LRRC4C: variants seen among roughly 807,000 people sequenced by gnomAD.
LRRC4C encodes the protein leucine-rich repeat-containing protein 4C.
In LRRC4C, 5 loss-of-function variants were observed where a neutral mutation model predicts 33.6. The ratio of observed to expected loss-of-function variants is 0.15; its 90% CI spans 0.08 to 0.31. LRRC4C has a LOEUF of 0.31. Ranked by LOEUF, LRRC4C falls within the 10% of genes least tolerant of loss-of-function variation. LRRC4C has a pLI of 1.00. For synonymous variants in LRRC4C, 329 were observed against 302.0 expected, an observed-to-expected ratio of 1.09 and a Z score of -0.93; for missense variants, 560 against 796.7, an observed-to-expected ratio of 0.70 and a Z score of 3.58.
At chr11:40,898,120 C>T (rs556007979) in intron 2 of LRRC4C, among the ~76,000 whole-genome samples, 3 of 151,764 alleles carry the variant, frequency 2.0e-5, no homozygotes, top group Admixed American at 6.6e-5. Flanking sequence ...TTTAGGAGGC[C>T]GAGGCGGGCA....
At chr11:41,439,005 A>C (rs1050033655) in intron 1 of LRRC4C, among the ~76,000 whole-genome samples, 1 of 152,118 alleles carries the variant, frequency 6.6e-6, no homozygotes, top group Non-Finnish European at 1.5e-5. Context: ...TCATAACCTG[A>C]ATAGTGTACA....
rs114438264 is a variant in LRRC4C, at chr11:40,618,101, A to T, written c.-270+30041T>A. On this transcript the variant is annotated intron_variant, in intron 3 of 6. Transcript: ENST00000528697. ...TTAGGTTGGATAGTGTCCTATTCAA[A>T]GTTCATATCTATTTAGAACCTCAGA... Among the ~76,000 whole-genome samples the T allele has an allele frequency of 6.1e-3, 926 of 151,788 alleles. 15 individuals are homozygous for T. Among genetic ancestry groups the T allele is most frequent in the African/African-American group, 0.022 (900 of 41,490 alleles).
intron 2 of LRRC4C, among the ~76,000 whole-genome samples, chr11:40,863,946 C>A (rs1010621127): frequency 6.6e-6 from 1 of 151,846 alleles, no homozygotes; most frequent in African/African-American, 2.4e-5. Context: ...CTCCTTTTTT[C>A]ATCAAAAAAT....
At chr11:40,891,926 G>A (rs1162991960) in intron 2 of LRRC4C, among the ~76,000 whole-genome samples, 1 of 152,018 alleles carries the variant, frequency 6.6e-6, no homozygotes, top group Non-Finnish European at 1.5e-5. Context: ...ACGAGTTCAG[G>A]AGATCGAGAC....
chr11:40,810,760 G>C (rs1450342722), intron 2 of LRRC4C, among the ~76,000 whole-genome samples: 1 of 151,974 alleles, frequency 6.6e-6, no homozygotes, highest in Non-Finnish European at 1.5e-5. Context: ...ATGTCTTTTT[G>C]GTTTGGTGCC....
chr11:41,009,674 G>T (rs571608502), intron 1 of LRRC4C, among the ~76,000 whole-genome samples: 31 of 152,112 alleles, frequency 2.0e-4, no homozygotes, highest in Non-Finnish European at 3.5e-4. Context: ...CATATATTTT[G>T]CATAAAATAC....
intron 4 of LRRC4C, among the ~76,000 whole-genome samples, chr11:40,270,697 G>A (rs1046624147): frequency 3.3e-5 from 5 of 152,074 alleles, no homozygotes; most frequent in African/African-American, 1.2e-4. Flanking sequence ...GAGGTGAAGA[G>A]ATGAACAGGG....
At chr11:41,139,993 C>T (rs1423790126) in intron 1 of LRRC4C, among the ~76,000 whole-genome samples, 1 of 152,174 alleles carries the variant, frequency 6.6e-6, no homozygotes, top group Non-Finnish European at 1.5e-5. Flanking sequence ...TTTCTGATCT[C>T]ATGATTTTCA....
chr11:41,088,245 C>T (rs1940148899), intron 1 of LRRC4C, among the ~76,000 whole-genome samples: 1 of 152,050 alleles, frequency 6.6e-6, no homozygotes, highest in Non-Finnish European at 1.5e-5. Context: ...TGAGTTGATC[C>T]AGGTCTGAGT....
chr11:40,426,296 A>T (rs1397095366), intron 3 of LRRC4C, among the ~76,000 whole-genome samples: 1 of 151,986 alleles, frequency 6.6e-6, no homozygotes, highest in Non-Finnish European at 1.5e-5. Context: ...TACAGGTGTG[A>T]GCCACCGCGC....
intron 2 of LRRC4C, among the ~76,000 whole-genome samples, chr11:40,790,933 C>G (rs1391847145): frequency 6.6e-6 from 1 of 152,158 alleles, no homozygotes; most frequent in Non-Finnish European, 1.5e-5. Context: ...CACAATGCTT[C>G]CATTGATACT....
At chr11:41,261,978 T>A (rs1306471841) in intron 1 of LRRC4C, among the ~76,000 whole-genome samples, 1 of 152,102 alleles carries the variant, frequency 6.6e-6, no homozygotes, top group Non-Finnish European at 1.5e-5. Flanking sequence ...CTTCATTCTC[T>A]GTGGGGAGAA....
At chr11:40,642,050 C>A (rs1269089865) in intron 3 of LRRC4C, among the ~76,000 whole-genome samples, 2 of 144,958 alleles carry the variant, frequency 1.4e-5, no homozygotes, top group Non-Finnish European at 3.0e-5. Context: ...TCATTGTAAT[C>A]ATTTTGTTTT....
chr11:40,949,590 C>T (rs1317770039), intron 1 of LRRC4C, among the ~76,000 whole-genome samples: 2 of 151,904 alleles, frequency 1.3e-5, no homozygotes, highest in Non-Finnish European at 2.9e-5. Context: ...GAATTTTCAA[C>T]CCAGAATTTC....
At chr11:41,063,384 A>G (rs970420756) in intron 1 of LRRC4C, among the ~76,000 whole-genome samples, 2 of 152,306 alleles carry the variant, frequency 1.3e-5, no homozygotes, top group African/African-American at 4.8e-5. Context: ...CATTATATCA[A>G]TTTTATAAAA....
At chr11:40,697,153 C>T (rs1454442983) in intron 2 of LRRC4C, among the ~76,000 whole-genome samples, 1 of 152,082 alleles carries the variant, frequency 6.6e-6, no homozygotes, top group Non-Finnish European at 1.5e-5. Flanking sequence ...TTGTTCCATA[C>T]TGCATATATA....
intron 3 of LRRC4C, among the ~76,000 whole-genome samples, chr11:40,401,184 G>A (rs796217219): frequency 6.6e-6 from 1 of 151,612 alleles, no homozygotes; most frequent in African/African-American, 2.4e-5. Context: ...AAAATTTCCT[G>A]ATTTGTAATT....
chr11:41,195,977 A>G (rs1037833165), intron 1 of LRRC4C, among the ~76,000 whole-genome samples: 1 of 152,104 alleles, frequency 6.6e-6, no homozygotes, highest in African/African-American at 2.4e-5. Flanking sequence ...TCGAGAAAAC[A>G]ACCATTGATG....
chr11:41,197,299 T>A (rs1012730638), intron 1 of LRRC4C, among the ~76,000 whole-genome samples: 1 of 152,048 alleles, frequency 6.6e-6, no homozygotes, highest in African/African-American at 2.4e-5. Context: ...ATTTTTCTAT[T>A]TCTAAGAGAT....
Sources: gnomAD v4.1 joint callset for allele counts (sites outside exome capture counted in the v4.1 genomes callset) on GRCh38, gnomAD v4.1.1 for gene constraint, MANE v1.5 for transcripts, NCBI Gene and HGNC (gene_info 2026-07-23, HGNC 2026-07-21) for gene names.